The following GCNT2 variants were observed in gnomAD, a reference collection of about 807,000 sequenced individuals.
The protein encoded by GCNT2 is glucosaminyl (N-acetyl) transferase 2 (I blood group).
Under a neutral mutation model 34.2 loss-of-function variants are expected in GCNT2, and 34 were observed. The ratio of observed to expected loss-of-function variants is 1.00; its 90% confidence interval spans 0.76 to 1.32. GCNT2 has a LOEUF of 1.32. Ranked by LOEUF, GCNT2 falls within the 40% of genes most tolerant of loss-of-function variation. The probability of loss-of-function intolerance (pLI) is 0.00; values close to 1 mark genes in which losing one functional copy is unlikely to be tolerated. For synonymous variants in GCNT2, 212 were observed against 188.0 expected (o/e 1.13, Z -1.04); for missense variants, 584 against 489.4 (o/e 1.19, Z -1.82).
At chr6:10,563,775 A>ATAT (rs1313695628) in intron 3 of GCNT2, among the ~76,000 whole-genome samples, 236 of 30,294 alleles carry the variant, frequency 7.8e-3, no homozygotes, top group Admixed American at 0.019. Flanking sequence ...AAAAAAAAAA[A>ATAT]AAATATATAT....
In GCNT2 at chr6:10,626,772, A is replaced by G; in HGVS notation, c.*165A>G. 2 of 631,184 alleles carry G rather than the reference A, an allele frequency of 3.2e-6. No homozygotes were observed. Among genetic ancestry groups the G allele is most frequent in the Non-Finnish European group, 5.7e-6 (2 of 353,288 alleles). The allele number at this position is 631,184 out of a possible 1,614,324, so 39.1% of individuals were successfully genotyped here. On this transcript the variant is annotated 3_prime_UTR_variant, in exon 5 of 5. Coordinates refer to ENST00000495262, the MANE Select transcript of GCNT2 (RefSeq NM_145649.5). ...CTTAAAATATCCACTGGACACTGTG[A>G]AATACACTAACAGGATGGCTGGGTA... is the stretch of plus-strand genomic sequence containing the variant.
At chr6:10,553,383 T>C (rs908867844) in intron 3 of GCNT2, among the ~76,000 whole-genome samples, 1 of 152,204 alleles carries the variant, frequency 6.6e-6, no homozygotes, top group Non-Finnish European at 1.5e-5. Context: ...AAACTCTCAG[T>C]GTCATCTGCC....
At chr6:10,585,698 G>T in intron 3 of GCNT2, 1 of 1,105,756 alleles carries the variant, frequency 9.0e-7, no homozygotes, top group Non-Finnish European at 1.2e-6. Context: ...CTTCCTAGAG[G>T]CTGGACTGGG....
At chr6:10,606,727 G>C (rs750100300) in intron 3 of GCNT2, among the ~76,000 whole-genome samples, 8 of 81,764 alleles carry the variant, frequency 9.8e-5, no homozygotes, top group Non-Finnish European at 1.6e-4. Flanking sequence ...GGTCATAAAA[G>C]TAACATTTTA....
At chr6:10,560,535 CTTAAA>C (rs1762928894) in intron 3 of GCNT2, among the ~76,000 whole-genome samples, 2 of 152,068 alleles carry the variant, frequency 1.3e-5, no homozygotes, top group South Asian at 4.2e-4. Flanking sequence ...TCCTAAATAC[CTTAAA>C]TTAAAATGTG....
chr6:10,585,033 G>GTGTGTC (rs1764280986), intron 3 of GCNT2, among the ~76,000 whole-genome samples: 1 of 8,878 alleles, frequency 1.1e-4, no homozygotes, highest in Non-Finnish European at 2.0e-4. Flanking sequence ...CCCATAGTCA[G>GTGTGTC]TGTGTGTGTG....
chr6:10,569,281 G>A (rs1470193954), intron 3 of GCNT2, among the ~76,000 whole-genome samples: 2 of 35,280 alleles, frequency 5.7e-5, no homozygotes, highest in Non-Finnish European at 1.5e-4. Context: ...ACACCCCCTA[G>A]GTAATTTTGC....
intron 1 of GCNT2, among the ~76,000 whole-genome samples, chr6:10,521,871 A>G (rs569969462): frequency 1.3e-5 from 2 of 151,706 alleles, no homozygotes; most frequent in South Asian, 4.2e-4. Context: ...CCAGAATTTG[A>G]TAAGGTACTT....
At chr6:10,537,402 T>C (rs537041789) in intron 3 of GCNT2, among the ~76,000 whole-genome samples, 14 of 151,868 alleles carry the variant, frequency 9.2e-5, no homozygotes, top group African/African-American at 3.4e-4. Context: ...ATACCATAAA[T>C]CAAAAATGCA....
chr6:10,555,785 A>T lies in GCNT2; in HGVS notation c.925+25949A>T, dbSNP rs947357477. The stretch of plus-strand genomic sequence containing the variant: ...CATTACAATGGAGCTGGGATGGATG[A>T]GGCTTTCTTTTATTTGAGATGTCAC... On this transcript the variant is annotated intron_variant, in intron 3 of 4. Coordinates refer to ENST00000495262, the MANE Select transcript of GCNT2 (RefSeq NM_145649.5). 7 of 985,390 alleles carry T rather than the reference A, an allele frequency of 7.1e-6. No individual in the cohort carries two copies. The African/African-American group carries it at 1.2e-4, about 17-fold the overall frequency. The allele number at this position is 985,390 out of a possible 1,614,324, so 61.0% of individuals were successfully genotyped here.
intron 3 of GCNT2, among the ~76,000 whole-genome samples, chr6:10,597,451 G>T (rs141133883): frequency 6.6e-6 from 1 of 151,824 alleles, no homozygotes. Flanking sequence ...CACCACGCCC[G>T]GCCAGGAATT....
intron 3 of GCNT2, among the ~76,000 whole-genome samples, chr6:10,547,124 C>T (rs1762306372): frequency 6.6e-6 from 1 of 152,108 alleles, no homozygotes; most frequent in Admixed American, 6.6e-5. Flanking sequence ...ATTTCCCAAC[C>T]CATAATATTT....
intron 3 of GCNT2, among the ~76,000 whole-genome samples, chr6:10,604,195 C>T (rs991426251): frequency 3.3e-5 from 5 of 152,116 alleles, no homozygotes; most frequent in Non-Finnish European, 5.9e-5. Flanking sequence ...CCGCGCCCAG[C>T]CTATGCTTTC....
intron 3 of GCNT2, among the ~76,000 whole-genome samples, chr6:10,533,558 T>C (rs1321193923): frequency 2.0e-5 from 3 of 151,642 alleles, no homozygotes; most frequent in Non-Finnish European, 4.4e-5. Flanking sequence ...GGAGCCGAGG[T>C]GGGCGGATCA....
intron 3 of GCNT2, among the ~76,000 whole-genome samples, chr6:10,587,480 C>A (rs141668084): frequency 3.3e-4 from 50 of 152,280 alleles, no homozygotes; most frequent in African/African-American, 1.2e-3. Context: ...ACAAATCTAA[C>A]CTGATATTTT....
chr6:10,528,448 T>C (rs573373372), intron 2 of GCNT2, 183 bp from the exon 3 acceptor site: 56 of 204,996 alleles, frequency 2.7e-4, no homozygotes, highest in Non-Finnish European at 2.3e-4. Flanking sequence ...TTGAACACAA[T>C]GATTAACAGG....
intron 1 of GCNT2, among the ~76,000 whole-genome samples, chr6:10,526,928 CAGTA>C (rs948103599): frequency 6.6e-6 from 1 of 151,602 alleles, no homozygotes; most frequent in Non-Finnish European, 1.5e-5. Context: ...CTGGGCAACA[CAGTA>C]AGACCCCCAT....
At chr6:10,574,881 C>A in intron 3 of GCNT2, 4 of 703,050 alleles carry the variant, frequency 5.7e-6, no homozygotes, top group South Asian at 1.4e-5. Context: ...TGTCTTCTTT[C>A]TTTTTCTGAT....
At chr6:10,542,660 C>T (rs1375826759) in intron 3 of GCNT2, among the ~76,000 whole-genome samples, 1 of 152,094 alleles carries the variant, frequency 6.6e-6, no homozygotes, top group South Asian at 2.1e-4. Flanking sequence ...AAGGTTCATC[C>T]GTGTTATCGC....
Sources: allele counts gnomAD v4.1 joint callset (sites outside exome capture counted in the v4.1 genomes callset), GRCh38; gene constraint gnomAD v4.1.1; transcripts MANE v1.5; gene names NCBI Gene and HGNC (gene_info 2026-07-23, HGNC 2026-07-21).